The following HDAC8 variants were observed in gnomAD, a reference collection of about 807,000 sequenced individuals.
The protein encoded by HDAC8 is histone deacetylase 8.
In HDAC8, 1 loss-of-function variant was observed where a neutral mutation model predicts 32.2. The ratio of observed to expected loss-of-function variants is 0.03; its 90% CI spans 0.01 to 0.15. The LOEUF is 0.15. Among genes scored for constraint, HDAC8 ranks in the 10% least tolerant of loss-of-function variants. The pLI, the probability that HDAC8 is intolerant of heterozygous loss-of-function variation, is 1.00. For synonymous variants in HDAC8, 108 were observed against 113.9 expected (o/e 0.95, Z 0.33); for missense variants, 117 against 300.0 (o/e 0.39, Z 4.51).
At chrX:72,447,873 A>T (rs782715530) in intron 9 of HDAC8, among the ~76,000 whole-genome samples, 1 of 111,859 alleles carries the variant, frequency 8.9e-6, no homozygotes, top group Admixed American at 9.5e-5. Context: ...AATACAACTT[A>T]CAAGGGATGT....
At chrX:72,437,854 G>A (rs868979189) in intron 9 of HDAC8, among the ~76,000 whole-genome samples, 23 of 112,241 alleles carry the variant, frequency 2.0e-4, no homozygotes, top group Non-Finnish European at 3.2e-4. Flanking sequence ...AGGGGCTTAC[G>A]GAGAAAACTC....
intron 9 of HDAC8, among the ~76,000 whole-genome samples, chrX:72,425,560 T>C (rs2046615840): frequency 8.9e-6 from 1 of 112,298 alleles, no homozygotes. Context: ...TTGATGGTGT[T>C]GTTGAATTAT....
chrX:72,419,294 A>C (rs1390363134), intron 9 of HDAC8, among the ~76,000 whole-genome samples: 2 of 111,619 alleles, frequency 1.8e-5, no homozygotes, highest in East Asian at 5.6e-4. Flanking sequence ...AATTTCTTTC[A>C]GCAATGTTTT....
chrX:72,440,709 G>A (rs180793368), intron 9 of HDAC8, among the ~76,000 whole-genome samples: 39 of 112,219 alleles, frequency 3.5e-4, no homozygotes, highest in African/African-American at 1.0e-3. Flanking sequence ...CACACTGTGC[G>A]TGAGCCGAAG....
chrX:72,387,811 C>G (rs1321207053), intron 9 of HDAC8, among the ~76,000 whole-genome samples: 2 of 111,448 alleles, frequency 1.8e-5, no homozygotes, highest in African/African-American at 6.5e-5. Context: ...GAGGATCAGA[C>G]AGTTTTTGCC....
chrX:72,443,955 C>G (rs1349822809), intron 9 of HDAC8, among the ~76,000 whole-genome samples: 5 of 106,827 alleles, frequency 4.7e-5, no homozygotes, highest in Non-Finnish European at 9.5e-5. Context: ...ATAAATTCCT[C>G]AACACATACA....
At chrX:72,396,167 T>TCTTCCTCTCTC (rs2045756015) in intron 9 of HDAC8, among the ~76,000 whole-genome samples, 1 of 112,332 alleles carries the variant, frequency 8.9e-6, no homozygotes, top group African/African-American at 3.2e-5. Context: ...ACCCTCTCAC[T>TCTTCCTCTCTC]TCCCACCTTC....
Position 72,506,234 on chromosome X carries a change from G to T in HDAC8, c.438-10966C>A, listed in dbSNP as rs143861051. 2.2e-4 allele frequency among the ~76,000 whole-genome samples: 25 copies of T among 112,557 alleles called. 1 individual carries two copies. In the East Asian group the frequency reaches 7.0e-3, roughly 31 times the overall value. On this transcript the variant is annotated intron_variant, in intron 4 of 10. Coordinates refer to ENST00000373573, the MANE Select transcript of HDAC8 (RefSeq NM_018486.3). ...AGTCATGCATACCTTTTACATGAAA[G>T]ATGACTGTCTTAGTCCATTTAGTGT...
At chrX:72,408,099 A>G (rs1555969186) in intron 9 of HDAC8, among the ~76,000 whole-genome samples, 1 of 112,106 alleles carries the variant, frequency 8.9e-6, no homozygotes, top group African/African-American at 3.2e-5. Flanking sequence ...TGCTTAATAT[A>G]TATCAGTGAA....
intron 9 of HDAC8, among the ~76,000 whole-genome samples, chrX:72,370,546 A>C (rs947834328): frequency 9.8e-5 from 11 of 111,834 alleles, no homozygotes; most frequent in African/African-American, 3.6e-4. Context: ...TTTTTAGAAG[A>C]GATGGGGTTT....
At chrX:72,445,172 G>GA (rs1454425420) in intron 9 of HDAC8, among the ~76,000 whole-genome samples, 3 of 110,223 alleles carry the variant, frequency 2.7e-5, no homozygotes, top group African/African-American at 6.6e-5. Flanking sequence ...CACAGAATTG[G>GA]AAAAAACTAC....
intron 7 of HDAC8, among the ~76,000 whole-genome samples, chrX:72,472,069 TTTA>T (rs200079456): frequency 9.4e-5 from 10 of 106,037 alleles, no homozygotes; most frequent in Non-Finnish European, 9.6e-5. Flanking sequence ...TTTTATTTTA[TTTA>T]TTTTTTTTTT....
chrX:72,485,086 A>C (rs782327145), intron 7 of HDAC8, among the ~76,000 whole-genome samples: 2 of 111,271 alleles, frequency 1.8e-5, no homozygotes, highest in South Asian at 7.7e-4. Context: ...TGGTGGGGTC[A>C]GGTTTAGGCC....
chrX:72,454,206 C>G (rs782528337), intron 9 of HDAC8, among the ~76,000 whole-genome samples: 1 of 112,082 alleles, frequency 8.9e-6, no homozygotes, highest in Admixed American at 9.5e-5. Context: ...CCAGTGGTGG[C>G]TGCCTATGTA....
At chrX:72,373,010 C>A (rs1855768737) in intron 9 of HDAC8, among the ~76,000 whole-genome samples, 1 of 111,426 alleles carries the variant, frequency 9.0e-6, no homozygotes, top group South Asian at 3.8e-4. Context: ...TTACATTTGA[C>A]CTAACTCCAC....
chrX:72,550,705 C>T (rs970734159), intron 4 of HDAC8, among the ~76,000 whole-genome samples: 4 of 111,748 alleles, frequency 3.6e-5, no homozygotes, highest in Non-Finnish European at 7.5e-5. Context: ...ATAGGCAGAT[C>T]TTATTACTGA....
At chrX:72,434,586 A>G (rs1006994530) in intron 9 of HDAC8, among the ~76,000 whole-genome samples, 3 of 111,722 alleles carry the variant, frequency 2.7e-5, no homozygotes, top group Non-Finnish European at 5.6e-5. Flanking sequence ...AAGAGCTGTG[A>G]GGCTAAAATC....
intron 9 of HDAC8, among the ~76,000 whole-genome samples, chrX:72,394,437 A>T (rs180817617): frequency 1.1e-3 from 119 of 112,590 alleles, no homozygotes; most frequent in Middle Eastern, 4.6e-3. Flanking sequence ...CAACTGAAAG[A>T]GTGCAGCGTA....
At chrX:72,440,237 C>A (rs782464256) in intron 9 of HDAC8, among the ~76,000 whole-genome samples, 2 of 111,578 alleles carry the variant, frequency 1.8e-5, no homozygotes, top group Admixed American at 1.9e-4. Flanking sequence ...GGGTACATAA[C>A]AAAATGAAGG....
Sources: allele counts gnomAD v4.1 joint callset (sites outside exome capture counted in the v4.1 genomes callset), GRCh38; gene constraint gnomAD v4.1.1; transcripts MANE v1.5; gene names NCBI Gene and HGNC (gene_info 2026-07-23, HGNC 2026-07-21).